ZNF385D: variants seen among roughly 807,000 people sequenced by gnomAD.
ZNF385D encodes zinc finger protein 659.
Under a neutral mutation model 35.8 loss-of-function variants are expected in ZNF385D, and 15 were observed. The observed-to-expected ratio is 0.42, with a 90% CI of 0.28 to 0.64. ZNF385D has a LOEUF of 0.64. Ranked by LOEUF, ZNF385D falls within the 30% of genes least tolerant of loss-of-function variation. The pLI is 0.23. For synonymous variants in ZNF385D, 212 were observed against 186.8 expected (o/e 1.13, Z -1.10); for missense variants, 474 against 494.6 (o/e 0.96, Z 0.39).
At chr3:22,172,600 G>C (rs1473311676) in intron 2 of ZNF385D, among the ~76,000 whole-genome samples, 1 of 152,108 alleles carries the variant, frequency 6.6e-6, no homozygotes, top group South Asian at 2.1e-4. Flanking sequence ...CCTGGCATGG[G>C]TCTCTGCTGG....
At chr3:21,774,236 T>C (rs1049583017) in intron 3 of ZNF385D, among the ~76,000 whole-genome samples, 1 of 151,184 alleles carries the variant, frequency 6.6e-6, no homozygotes, top group Admixed American at 6.6e-5. Context: ...CATGGACACA[T>C]AGTGGGGAAA....
intron 3 of ZNF385D, among the ~76,000 whole-genome samples, chr3:22,009,209 A>C (rs961689323): frequency 6.6e-6 from 1 of 152,200 alleles, no homozygotes; most frequent in Non-Finnish European, 1.5e-5. Context: ...TGTGTAAAAA[A>C]TGTGATTCCA....
Position 21,670,662 on chromosome 3 carries a change from C to T in ZNF385D, c.23-5634G>A, listed in dbSNP as rs1575432547. Among the ~76,000 whole-genome samples, 6 of 25,588 alleles carry T rather than the reference C, an allele frequency of 2.3e-4. 1 individual carries two copies. The highest frequency in any genetic ancestry group is 5.1e-4 in the African/African-American group (6 of 11,726). The allele number at this position is 25,588 out of a possible 152,430, so 16.8% of individuals were successfully genotyped here. ...GAAATCCTAAGGCGCCCCCCCCCCC[C>T]CCCCCCCCCCCAATGACTGAACGAA... is the stretch of plus-strand genomic sequence containing the variant. On this transcript the variant is annotated intron_variant, in intron 1 of 7. Transcript: ENST00000281523.
chr3:22,014,082 G>C (rs7636441), intron 3 of ZNF385D, among the ~76,000 whole-genome samples: 21,380 of 152,036 alleles, frequency 0.14, 1,600 homozygotes, highest in South Asian at 0.25. Context: ...GAAAATAAAT[G>C]TATAATTTAT....
chr3:21,593,709 G>A (rs1006722336), intron 2 of ZNF385D, among the ~76,000 whole-genome samples: 1 of 151,502 alleles, frequency 6.6e-6, no homozygotes, highest in East Asian at 1.9e-4. Flanking sequence ...ATATATTATA[G>A]ACTTTTTTTA....
chr3:22,308,307 T>G (rs966043822), intron 2 of ZNF385D, among the ~76,000 whole-genome samples: 1 of 152,124 alleles, frequency 6.6e-6, no homozygotes. Flanking sequence ...TTTCTTCATA[T>G]GAAATCCATA....
intron 3 of ZNF385D, among the ~76,000 whole-genome samples, chr3:21,998,794 G>A (rs1425490022): frequency 6.6e-6 from 1 of 152,108 alleles, no homozygotes; most frequent in Non-Finnish European, 1.5e-5. Flanking sequence ...TCTTAGAAGT[G>A]CATAGGCTTA....
intron 2 of ZNF385D, among the ~76,000 whole-genome samples, chr3:22,195,369 C>A (rs1460031060): frequency 6.6e-6 from 1 of 151,918 alleles, no homozygotes; most frequent in Non-Finnish European, 1.5e-5. Context: ...CCCACACATA[C>A]ACACAAACAT....
At chr3:22,201,978 A>G (rs1464163547) in intron 2 of ZNF385D, among the ~76,000 whole-genome samples, 3 of 152,046 alleles carry the variant, frequency 2.0e-5, no homozygotes, top group Non-Finnish European at 2.9e-5. Context: ...ATAAAATGAC[A>G]TATTAAAAGA....
intron 3 of ZNF385D, among the ~76,000 whole-genome samples, chr3:21,811,100 GA>G (rs2072902512): frequency 6.6e-6 from 1 of 151,596 alleles, no homozygotes; most frequent in South Asian, 2.1e-4. Context: ...CAAATGCAAA[GA>G]ATCAAAGAAT....
intron 1 of ZNF385D, among the ~76,000 whole-genome samples, chr3:21,712,219 T>C (rs1043243624): frequency 1.3e-5 from 2 of 152,184 alleles, no homozygotes; most frequent in Admixed American, 1.3e-4. Context: ...AAAACCATTA[T>C]GTATCTCTGC....
intron 3 of ZNF385D, among the ~76,000 whole-genome samples, chr3:21,857,650 C>T (rs1361796049): frequency 1.3e-5 from 2 of 151,790 alleles, no homozygotes; most frequent in Non-Finnish European, 2.9e-5. Flanking sequence ...AAGAAAATGG[C>T]CCCAGTCACA....
intron 2 of ZNF385D, among the ~76,000 whole-genome samples, chr3:22,348,663 G>A (rs536235822): frequency 1.6e-5 from 2 of 127,848 alleles, no homozygotes; most frequent in Non-Finnish European, 1.6e-5. Flanking sequence ...GCAAAACGCT[G>A]TAGAAAGAAA....
chr3:21,826,387 C>G (rs796607650), intron 3 of ZNF385D, among the ~76,000 whole-genome samples: 49 of 152,234 alleles, frequency 3.2e-4, no homozygotes, highest in African/African-American at 1.2e-3. Context: ...GTGCTAGTAG[C>G]TGAACAGCCC....
intron 5 of ZNF385D, among the ~76,000 whole-genome samples, chr3:21,434,891 G>C (rs1387705080): frequency 6.6e-6 from 1 of 152,070 alleles, no homozygotes; most frequent in Non-Finnish European, 1.5e-5. Flanking sequence ...TAGGCCTAAG[G>C]TTCAGAGAGA....
intron 3 of ZNF385D, among the ~76,000 whole-genome samples, chr3:21,946,586 C>T (rs1328697861): frequency 1.3e-5 from 2 of 152,248 alleles, no homozygotes; most frequent in South Asian, 2.1e-4. Flanking sequence ...AATCCCAGAA[C>T]TTTGGGAGGC....
chr3:21,671,410 G>A (rs1001614291), intron 1 of ZNF385D, among the ~76,000 whole-genome samples: 3 of 152,184 alleles, frequency 2.0e-5, no homozygotes, highest in African/African-American at 7.2e-5. Context: ...CAGGGTGGGA[G>A]TAAAGCTAGA....
chr3:21,903,656 G>C (rs560144783), intron 3 of ZNF385D, among the ~76,000 whole-genome samples: 3 of 152,266 alleles, frequency 2.0e-5, no homozygotes, highest in Admixed American at 2.0e-4. Context: ...TTATTTTACA[G>C]AAATCGTATC....
chr3:21,491,638 CT>C (rs1161363179), intron 4 of ZNF385D, among the ~76,000 whole-genome samples: 28 of 152,228 alleles, frequency 1.8e-4, no homozygotes, highest in Admixed American at 1.8e-3. Flanking sequence ...AGTAGGCTTG[CT>C]GCCTGTTTTG....
Sources: gnomAD v4.1 joint callset for allele counts (sites outside exome capture counted in the v4.1 genomes callset) on GRCh38, gnomAD v4.1.1 for gene constraint, MANE v1.5 for transcripts, NCBI Gene and HGNC (gene_info 2026-07-23, HGNC 2026-07-21) for gene names.